PDZRN4: variants seen among roughly 807,000 people sequenced by gnomAD.
PDZRN4 encodes the protein PDZ domain containing ring finger 4.
Under a neutral mutation model 99.0 loss-of-function variants are expected in PDZRN4, and 70 were observed. The observed-to-expected ratio is 0.71, with a 90% CI of 0.58 to 0.86. PDZRN4 has a LOEUF of 0.86. Among genes scored for constraint, PDZRN4 ranks in the 40% least tolerant of loss-of-function variants. The pLI, the probability that PDZRN4 is intolerant of heterozygous loss-of-function variation, is 0.00. For missense variants in PDZRN4, 1,474 were observed against 1,331.2 expected, an observed-to-expected ratio of 1.11 and a Z score of -1.67; for synonymous variants, 551 against 501.6, an observed-to-expected ratio of 1.10 and a Z score of -1.32.
chr12:41,318,800 CTGT>C (rs897799656), intron 3 of PDZRN4, among the ~76,000 whole-genome samples: 1 of 152,110 alleles, frequency 6.6e-6, no homozygotes, highest in African/African-American at 2.4e-5. Flanking sequence ...AAGTCTCTTC[CTGT>C]TCTGACTCTT....
intron 3 of PDZRN4, among the ~76,000 whole-genome samples, chr12:41,400,402 T>A (rs1159710379): frequency 6.6e-6 from 1 of 152,178 alleles, no homozygotes; most frequent in Non-Finnish European, 1.5e-5. Flanking sequence ...GGGCTTCAGA[T>A]TCATCTAAAT....
intron 3 of PDZRN4, among the ~76,000 whole-genome samples, chr12:41,233,464 T>C (rs1951043587): frequency 6.6e-6 from 1 of 152,184 alleles, no homozygotes; most frequent in Non-Finnish European, 1.5e-5. Context: ...TTATAAATCA[T>C]GCTGCTCTGA....
chr12:41,304,863 A>G (rs1951559062), intron 3 of PDZRN4, among the ~76,000 whole-genome samples: 1 of 152,224 alleles, frequency 6.6e-6, no homozygotes, highest in African/African-American at 2.4e-5. Context: ...AACTTCCTTC[A>G]TAAACATACT....
At chr12:41,532,566 C>T (rs1169934893) in intron 5 of PDZRN4, among the ~76,000 whole-genome samples, 1 of 152,080 alleles carries the variant, frequency 6.6e-6, no homozygotes, top group African/African-American at 2.4e-5. Flanking sequence ...TAATATTTGT[C>T]AACAGATTTT....
At chr12:41,405,427 T>G (rs1485012302) in intron 3 of PDZRN4, among the ~76,000 whole-genome samples, 1 of 152,060 alleles carries the variant, frequency 6.6e-6, no homozygotes, top group Non-Finnish European at 1.5e-5. Flanking sequence ...GAATGGTTAT[T>G]ATTAAAAAGT....
chr12:41,419,381 G>A (rs1485045926), intron 3 of PDZRN4, among the ~76,000 whole-genome samples: 2 of 152,116 alleles, frequency 1.3e-5, no homozygotes, highest in African/African-American at 4.8e-5. Flanking sequence ...CAATGAGCTG[G>A]GTCGGCTTAG....
chr12:41,339,434 A>G (rs1244511890), intron 3 of PDZRN4, among the ~76,000 whole-genome samples: 2 of 152,146 alleles, frequency 1.3e-5, no homozygotes, highest in Admixed American at 1.3e-4. Flanking sequence ...AAATGAAGTA[A>G]AGATTTAAAT....
chr12:41,241,591 T>C (rs1951102317), intron 3 of PDZRN4, among the ~76,000 whole-genome samples: 1 of 152,198 alleles, frequency 6.6e-6, no homozygotes, highest in African/African-American at 2.4e-5. Flanking sequence ...ACAAATACAT[T>C]GGAATATTGT....
chr12:41,391,144 C>T (rs1952208445), intron 3 of PDZRN4, among the ~76,000 whole-genome samples: 2 of 152,178 alleles, frequency 1.3e-5, no homozygotes, highest in Admixed American at 6.5e-5. Context: ...GTCACCCTCA[C>T]TCTTGATAGA....
intron 3 of PDZRN4, among the ~76,000 whole-genome samples, chr12:41,218,854 A>G (rs777696045): frequency 7.2e-5 from 11 of 152,102 alleles, no homozygotes; most frequent in Non-Finnish European, 1.5e-4. Context: ...AATGTTTCCA[A>G]ATCCTTAAGC....
Position 41,572,647 on chromosome 12 carries a change from A to T in PDZRN4, c.1868A>T (p.Asp623Val). 1 of 1,614,188 alleles carries T rather than the reference A, an allele frequency of 6.2e-7. No individual in the cohort carries two copies. Among genetic ancestry groups the T allele is most frequent in the Non-Finnish European group, 8.5e-7 (1 of 1,180,016 alleles). ...GACTGCATTGGCAACCCAGATGAGG[A>T]CTGTGAAAGATTCAGGCAGCTCTTG... ...DSDCIGNPDE[D>V]CERFRQLLEL... Residue 623 changes from aspartate to valine, a missense_variant, in exon 10 of 10, where the codon GAC becomes GTC. Physicochemically the swap from Asp to Val is radical, Grantham distance 152. Coordinates refer to ENST00000402685, the MANE Select transcript of PDZRN4 (RefSeq NM_001164595.2).
chr12:41,239,178 T>C (rs999516881), intron 3 of PDZRN4, among the ~76,000 whole-genome samples: 12 of 151,766 alleles, frequency 7.9e-5, no homozygotes, highest in Non-Finnish European at 1.2e-4. Context: ...ATGGATGGAG[T>C]TGGAAGTCAT....
chr12:41,218,617 C>T (rs1950935822), intron 3 of PDZRN4, among the ~76,000 whole-genome samples: 1 of 152,000 alleles, frequency 6.6e-6, no homozygotes. Flanking sequence ...AGTGACTCCT[C>T]AAGAAAGACT....
intron 3 of PDZRN4, among the ~76,000 whole-genome samples, chr12:41,426,106 G>A (rs1294773117): frequency 1.3e-5 from 2 of 152,154 alleles, no homozygotes; most frequent in African/African-American, 2.4e-5. Context: ...ATGCTTCTTA[G>A]TTAAGCTGAG....
intron 5 of PDZRN4, among the ~76,000 whole-genome samples, chr12:41,552,059 C>T (rs1939065919): frequency 6.6e-6 from 1 of 152,110 alleles, no homozygotes; most frequent in Admixed American, 6.5e-5. Flanking sequence ...TTTGATGTCT[C>T]TCCCTTCAGC....
intron 5 of PDZRN4, among the ~76,000 whole-genome samples, chr12:41,546,021 A>G (rs1359171414): frequency 6.6e-6 from 1 of 152,172 alleles, no homozygotes; most frequent in African/African-American, 2.4e-5. Flanking sequence ...AAGAGGAGGA[A>G]TTATGGCACT....
intron 5 of PDZRN4, among the ~76,000 whole-genome samples, chr12:41,528,719 A>G (rs902765235): frequency 6.6e-6 from 1 of 152,230 alleles, no homozygotes; most frequent in African/African-American, 2.4e-5. Flanking sequence ...TAGAAAGAAA[A>G]TAACAGTTCT....
intron 3 of PDZRN4, among the ~76,000 whole-genome samples, chr12:41,237,126 T>C (rs935162098): frequency 6.6e-6 from 1 of 152,140 alleles, no homozygotes; most frequent in South Asian, 2.1e-4. Context: ...AATTAGGTGA[T>C]ATTAACTTGT....
In PDZRN4 at chr12:41,573,652, G is replaced by T; in HGVS notation, c.2873G>T (p.Arg958Leu). 1.2e-6 allele frequency: 2 copies of T among 1,614,088 alleles called. No individual in the cohort carries two copies. The highest frequency in any genetic ancestry group is 3.3e-5 in the Admixed American group (2 of 60,014). ...QHLVRAKEQRRRREFMMRSRL... is the reference protein window; with the variant it reads ...QHLVRAKEQRLRREFMMRSRL... ...CTGGTTAGGGCCAAAGAGCAGCGCC[G>T]TCGCCGTGAGTTCATGATGCGAAGC... The change falls in exon 10 of 10, where the codon CGT becomes CTT. Residue 958 changes from arginine to leucine, a missense_variant. By Grantham distance (102) the Arg-to-Leu change is moderately radical. Transcript: ENST00000402685.
Sources: allele counts gnomAD v4.1 joint callset (sites outside exome capture counted in the v4.1 genomes callset), GRCh38; gene constraint gnomAD v4.1.1; transcripts MANE v1.5; gene names NCBI Gene and HGNC (gene_info 2026-07-23, HGNC 2026-07-21).